The following CSNK2A2IP variants were observed in gnomAD, a reference collection of about 807,000 sequenced individuals.
CSNK2A2IP encodes casein kinase 2 subunit alpha' interacting protein.
At chr3:88,370,675 A>C in the CSNK2A2IP span, among the ~76,000 whole-genome samples, 1 of 149,916 alleles carries the variant, frequency 6.7e-6, no homozygotes, top group African/African-American at 2.5e-5. Flanking sequence ...TTGAAAAAAC[A>C]CAAGTAAATC....
chr3:88,392,081 G>C, the CSNK2A2IP span, among the ~76,000 whole-genome samples: 51 of 152,298 alleles, frequency 3.3e-4, no homozygotes, highest in Non-Finnish European at 6.2e-4. Context: ...ATGTGAGAAG[G>C]AGTGAAAACC....
At chr3:88,435,342 G>A in the CSNK2A2IP span, among the ~76,000 whole-genome samples, 5 of 152,200 alleles carry the variant, frequency 3.3e-5, no homozygotes, top group South Asian at 1.0e-3. Flanking sequence ...ACTGATTATG[G>A]CCAGGAAAAT....
At chr3:88,360,811 A>G in the CSNK2A2IP span, among the ~76,000 whole-genome samples, 1 of 118,154 alleles carries the variant, frequency 8.5e-6, no homozygotes, top group Non-Finnish European at 2.1e-5. Context: ...GTATGTTTTA[A>G]TTTTTTGGTT....
chr3:88,423,557 T>A, the CSNK2A2IP span, among the ~76,000 whole-genome samples: 1 of 152,074 alleles, frequency 6.6e-6, no homozygotes, highest in Non-Finnish European at 1.5e-5. Context: ...CCTTGTAGCA[T>A]GGAAAAAGCC....
the CSNK2A2IP span, among the ~76,000 whole-genome samples, chr3:88,444,828 G>A: frequency 6.6e-6 from 1 of 152,146 alleles, no homozygotes; most frequent in Non-Finnish European, 1.5e-5. Flanking sequence ...GACATGCAGT[G>A]TAATCAACAG....
chr3:88,432,717 ACT>A, the CSNK2A2IP span, among the ~76,000 whole-genome samples: 8 of 150,954 alleles, frequency 5.3e-5, no homozygotes, highest in Admixed American at 2.6e-4. Context: ...ATAAAAAGAA[ACT>A]CTTGAAATCT....
chr3:88,460,137 A>G, the CSNK2A2IP span, among the ~76,000 whole-genome samples: 7 of 152,174 alleles, frequency 4.6e-5, no homozygotes, highest in African/African-American at 1.4e-4. Flanking sequence ...CAATTATAAA[A>G]ATAATTTGGA....
the CSNK2A2IP span, among the ~76,000 whole-genome samples, chr3:88,410,628 T>G: frequency 3.3e-5 from 5 of 152,096 alleles, no homozygotes; most frequent in African/African-American, 9.7e-5. Flanking sequence ...AATAATCTCC[T>G]AAAGTTTAGT....
At chr3:88,411,221 A>T in the CSNK2A2IP span, among the ~76,000 whole-genome samples, 1 of 152,090 alleles carries the variant, frequency 6.6e-6, no homozygotes, top group Admixed American at 6.5e-5. Flanking sequence ...TTGTGGGCAT[A>T]GAACAAATCT....
chr3:88,423,994 G>T, the CSNK2A2IP span, among the ~76,000 whole-genome samples: 1 of 152,078 alleles, frequency 6.6e-6, no homozygotes. Flanking sequence ...CACAAACCTG[G>T]CTCCTGTCAC....
the CSNK2A2IP span, among the ~76,000 whole-genome samples, chr3:88,436,105 C>G: frequency 3.3e-5 from 5 of 151,970 alleles, no homozygotes; most frequent in Non-Finnish European, 5.9e-5. Flanking sequence ...GTCATATTTA[C>G]TGTATGATGT....
the CSNK2A2IP span, among the ~76,000 whole-genome samples, chr3:88,391,523 C>G: frequency 6.6e-6 from 1 of 152,146 alleles, no homozygotes; most frequent in Non-Finnish European, 1.5e-5. Context: ...CAAGGCAAAT[C>G]TAAGCTGCAA....
At chr3:88,412,192 A>T in the CSNK2A2IP span, among the ~76,000 whole-genome samples, 1 of 152,006 alleles carries the variant, frequency 6.6e-6, no homozygotes, top group Non-Finnish European at 1.5e-5. Flanking sequence ...TAATATATTT[A>T]TAGCTTTGAC....
chr3:88,437,826 C>A, the CSNK2A2IP span, among the ~76,000 whole-genome samples: 1 of 152,128 alleles, frequency 6.6e-6, no homozygotes. Context: ...TTCCTACTCC[C>A]ACCATCATTA....
At chr3:88,363,767 A>G in the CSNK2A2IP span, among the ~76,000 whole-genome samples, 1 of 152,092 alleles carries the variant, frequency 6.6e-6, no homozygotes, top group Admixed American at 6.6e-5. Flanking sequence ...GTTTAGTGCT[A>G]TAAGTTAATT....
the CSNK2A2IP span, among the ~76,000 whole-genome samples, chr3:88,420,036 G>T: frequency 6.6e-6 from 1 of 152,144 alleles, no homozygotes; most frequent in Non-Finnish European, 1.5e-5. Context: ...AAATGATAAT[G>T]CCCAGGCCCC....
the CSNK2A2IP span, among the ~76,000 whole-genome samples, chr3:88,406,484 T>C: frequency 6.6e-6 from 1 of 152,184 alleles, no homozygotes; most frequent in Admixed American, 6.6e-5. Context: ...GAGGAGATAA[T>C]TTTTAGAAAT....
chr3:88,444,929 T>C, the CSNK2A2IP span, among the ~76,000 whole-genome samples: 1 of 152,182 alleles, frequency 6.6e-6, no homozygotes, highest in Admixed American at 6.6e-5. Context: ...TTTACTTAAA[T>C]TCTTGTCACT....
At chr3:88,349,032 C>T in the CSNK2A2IP span, among the ~76,000 whole-genome samples, 3 of 151,992 alleles carry the variant, frequency 2.0e-5, no homozygotes, top group Admixed American at 6.6e-5. Context: ...TCTTCAAACC[C>T]AGATTACTGC....
Sources: allele counts gnomAD v4.1 joint callset (sites outside exome capture counted in the v4.1 genomes callset), GRCh38; gene constraint gnomAD v4.1.1; transcripts MANE v1.5; gene names NCBI Gene and HGNC (gene_info 2026-07-23, HGNC 2026-07-21).